The following MYO9B variants were observed in gnomAD, a reference collection of about 807,000 sequenced individuals.
The protein encoded by MYO9B is myosin IXB, also known as unconventional myosin-IXb.
In MYO9B, 71 loss-of-function variants were observed where a neutral mutation model predicts 229.5. That is an observed-to-expected ratio of 0.31 (90% CI 0.26 to 0.38). MYO9B has a LOEUF of 0.38. MYO9B is among the 10% of genes least tolerant of loss of function. The probability of loss-of-function intolerance (pLI) is 1.00; values close to 1 mark genes in which losing one functional copy is unlikely to be tolerated. For missense variants in MYO9B, 2,255 were observed against 2,920.5 expected (o/e 0.77, Z 5.25); for synonymous variants, 1,185 against 1,235.8 (o/e 0.96, Z 0.86).
intron 17 of MYO9B, 33 bp from the exon 18 acceptor site, chr19:17,185,888 T>C (rs370226659): frequency 1.8e-5 from 29 of 1,590,118 alleles, no homozygotes; most frequent in Non-Finnish European, 2.3e-5. Flanking sequence ...GGGTCCCTGA[T>C]TCAACCCAAA....
At chr19:17,119,975 A>G (rs532063505) in intron 2 of MYO9B, among the ~76,000 whole-genome samples, 483 of 152,198 alleles carry the variant, frequency 3.2e-3, no homozygotes, top group Middle Eastern at 0.01. Context: ...GTCATCCTGG[A>G]CAACGTGGCA....
chr19:17,167,462 T>C (rs2072671782), intron 10 of MYO9B, among the ~76,000 whole-genome samples: 1 of 147,978 alleles, frequency 6.8e-6, no homozygotes, highest in African/African-American at 2.6e-5. Context: ...ATTAAGTGTA[T>C]TATTAGAGCT....
At position 17,186,429 on chromosome 19, in the gene MYO9B, G is replaced by A. The variant is rs562620485; in HGVS notation, c.2577+428G>A. Among the ~76,000 whole-genome samples, 23 of 152,240 alleles carry A rather than the reference G, an allele frequency of 1.5e-4. No homozygotes were observed. In the Middle Eastern group the frequency reaches 0.01, roughly 68 times the overall value. ...GGCTCCAGGCTCAGCACTGGCACAGGCTTCCTTTACCCCAGAGGTCCACTC... is the reference window on the plus strand; with the variant it reads ...GGCTCCAGGCTCAGCACTGGCACAGACTTCCTTTACCCCAGAGGTCCACTC... On this transcript the variant is annotated intron_variant, in intron 18 of 39. Transcript: ENST00000682292.
intron 2 of MYO9B, among the ~76,000 whole-genome samples, chr19:17,138,468 G>A (rs2072298533): frequency 6.6e-6 from 1 of 152,056 alleles, no homozygotes; most frequent in Non-Finnish European, 1.5e-5. Flanking sequence ...TTCTAGATTT[G>A]GGGTTTCGCC....
rs1555695940 is a variant in MYO9B, at chr19:17,128,226, A to AT, written c.841-17160dup. Among the ~76,000 whole-genome samples, 54 of 147,586 alleles carry AT rather than the reference A, an allele frequency of 3.7e-4. 1 individual carries two copies. The highest frequency in any genetic ancestry group is 9.8e-4 in the African/African-American group (39 of 39,920). ...ACCCTATCTATACTGAAAAAAAAAA[A>AT]TTTTTTTTTTTAAATTTAGCAAGGC... On this transcript the variant is annotated intron_variant, in intron 2 of 39. Transcript: ENST00000682292.
chr19:17,129,445 G>A (rs753880024), intron 2 of MYO9B, among the ~76,000 whole-genome samples: 3 of 152,156 alleles, frequency 2.0e-5, no homozygotes, highest in African/African-American at 4.8e-5. Context: ...TCAAGGCTCC[G>A]GGAAGTGAGC....
At position 17,206,005 on chromosome 19, in the gene MYO9B, A is replaced by G; in HGVS notation, c.5110A>G (p.Ser1704Gly). 2 of 1,603,308 alleles carry G rather than the reference A, an allele frequency of 1.2e-6. No homozygotes were observed. Among genetic ancestry groups the G allele is most frequent in the Non-Finnish European group, 1.7e-6 (2 of 1,174,550 alleles). Residue 1704 changes from serine to glycine, a missense_variant, in exon 32 of 40, where the codon AGC becomes GGC. Around this residue, in one of 7 missense-constraint regions of MYO9B, gnomAD observed 416 missense variants for 605.5 expected, o/e 0.69. Coordinates refer to ENST00000682292, the MANE Select transcript of MYO9B (RefSeq NM_004145.4). ...TGGCCACTTCGGCGTGTGCGTAGAC[A>G]GCCTGACCAGCGACAAGGCCTCGGT... ...EPGHFGVCVD[S>G]LTSDKASVPI...
At chr19:17,096,319 G>A (rs1168892023) in intron 1 of MYO9B, among the ~76,000 whole-genome samples, 2 of 152,136 alleles carry the variant, frequency 1.3e-5, no homozygotes, top group East Asian at 3.9e-4. Context: ...GAATTGCAGG[G>A]TCACGTGCTA....
chr19:17,101,565 G>A lies in MYO9B; in HGVS notation c.-58-95G>A, dbSNP rs1197318172. On this transcript the variant is annotated intron_variant, in intron 1 of 39. Coordinates refer to ENST00000682292, the MANE Select transcript of MYO9B (RefSeq NM_004145.4). The surrounding 1 kb of genome is among the most constrained non-coding windows in gnomAD (Gnocchi z 4.7). Reference sequence around the variant, plus strand: ...TAGTCGGGTGGGGAACTCCAGCATCGGGTCAGGTGCTATCTGCCCAGGAGT... The same window carrying A: ...TAGTCGGGTGGGGAACTCCAGCATCAGGTCAGGTGCTATCTGCCCAGGAGT... 8.1e-6 allele frequency: 10 copies of A among 1,237,100 alleles called. No homozygotes were observed. The highest frequency in any genetic ancestry group is 2.8e-4 in the Middle Eastern group (1 of 3,576). The allele number at this position is 1,237,100 out of a possible 1,614,324, so 76.6% of individuals were successfully genotyped here. A position where few individuals can be genotyped will look rare whatever the true frequency, so the allele number is the denominator to read the frequency against.
At chr19:17,118,989 C>G (rs936322253) in intron 2 of MYO9B, among the ~76,000 whole-genome samples, 6 of 152,124 alleles carry the variant, frequency 3.9e-5, no homozygotes, top group Non-Finnish European at 8.8e-5. Context: ...GACCCGTTCT[C>G]GGCACCTCTC....
intron 2 of MYO9B, among the ~76,000 whole-genome samples, chr19:17,125,307 C>G (rs973710169): frequency 1.0e-4 from 14 of 138,680 alleles, no homozygotes; most frequent in Admixed American, 2.8e-4. Context: ...TCCCCCCCCC[C>G]CCAAAAAAAG....
intron 18 of MYO9B, 55 bp from the exon 19 acceptor site, chr19:17,187,880 T>C: frequency 6.9e-7 from 1 of 1,458,016 alleles, no homozygotes; most frequent in South Asian, 1.2e-5. Context: ...GCAACAGACT[T>C]GGGCATCCTG....
At position 17,157,078 on chromosome 19, in the gene MYO9B, A is replaced by G. The variant is rs890644825; in HGVS notation, c.1329+40A>G. 9 of 1,594,638 alleles carry G rather than the reference A, an allele frequency of 5.6e-6. No individual in the cohort carries two copies. In the African/African-American group the frequency reaches 1.1e-4, roughly 19 times the overall value. On this transcript the variant is annotated intron_variant, in intron 7 of 39. Transcript: ENST00000682292. ...CTCTGTCCCTTCTCAGGCCTGGCTCAGGGCCGCTGGCTATCTCTCAGTACG... is the reference window on the plus strand; with the variant it reads ...CTCTGTCCCTTCTCAGGCCTGGCTCGGGGCCGCTGGCTATCTCTCAGTACG...
intron 10 of MYO9B, among the ~76,000 whole-genome samples, chr19:17,166,550 T>C (rs866267218): frequency 1.3e-5 from 2 of 152,100 alleles, no homozygotes; most frequent in Admixed American, 6.6e-5. Flanking sequence ...ATTTGTTACA[T>C]AGGTAAACTT....
chr19:17,178,903 C>T (rs931551844), intron 14 of MYO9B, among the ~76,000 whole-genome samples: 11 of 151,740 alleles, frequency 7.2e-5, no homozygotes, highest in African/African-American at 2.7e-4. Context: ...GCGTGGTGTG[C>T]ACCTGTAATC....
chr19:17,186,025 G>A (rs1329854865), intron 18 of MYO9B, 24 bp downstream of exon 18: 2 of 1,607,414 alleles, frequency 1.2e-6, no homozygotes, highest in Non-Finnish European at 1.7e-6. Context: ...AGGTGTTTGG[G>A]AGGAGAAGGC....
chr19:17,175,795 G>A, intron 14 of MYO9B, 54 bp downstream of exon 14: 1 of 1,021,478 alleles, frequency 9.8e-7, no homozygotes, highest in South Asian at 1.5e-5. Context: ...CAGCAGCATT[G>A]TTTCAAACAA....
At chr19:17,169,244 C>T (rs111478344) in intron 11 of MYO9B, among the ~76,000 whole-genome samples, 7 of 151,594 alleles carry the variant, frequency 4.6e-5, no homozygotes, top group East Asian at 2.0e-4. Context: ...TGGTGACAGG[C>T]GCCTGTAATC....
intron 16 of MYO9B, 169 bp downstream of exon 16, chr19:17,184,037 T>C (rs2072890269): frequency 1.5e-6 from 1 of 685,496 alleles, no homozygotes; most frequent in Non-Finnish European, 2.4e-6. Context: ...GAGCTGTCTC[T>C]TTATGGGTTT....
Sources: gnomAD v4.1 joint callset for allele counts (sites outside exome capture counted in the v4.1 genomes callset) on GRCh38, gnomAD v4.1.1 for gene constraint, gnomAD v4.1.1 regional missense constraint, Gnocchi (gnomAD v3.1) non-coding constraint, MANE v1.5 for transcripts, NCBI Gene and HGNC (gene_info 2026-07-23, HGNC 2026-07-21) for gene names.